Variants in MFSD11 observed in about 807,000 individuals in gnomAD.
The protein encoded by MFSD11 is UNC93-like protein MFSD11.
Under a neutral mutation model 53.5 loss-of-function variants are expected in MFSD11, and 36 were observed. The ratio of observed to expected loss-of-function variants is 0.67; its 90% CI spans 0.52 to 0.89. The LOEUF (loss-of-function observed/expected upper bound fraction) is 0.89, where lower values mean the gene tolerates loss of function less well. MFSD11 is among the 40% of genes least tolerant of loss of function. The pLI is 0.00. For missense variants in MFSD11, 530 were observed against 543.9 expected (o/e 0.97, Z 0.25); for synonymous variants, 186 against 184.9 (o/e 1.01, Z -0.05).
Position 76,776,340 on chromosome 17 carries a change from TG to T in MFSD11, c.1050-65del. 6.5e-7 allele frequency: 1 copy of T among 1,533,218 alleles called. No individual in the cohort carries two copies. The allele number at this position is 1,533,218 out of a possible 1,614,324, so 95.0% of individuals were successfully genotyped here. A position where few individuals can be genotyped will look rare whatever the true frequency, so the allele number is the denominator to read the frequency against. ...AGGTAGAATTCTTTTGTGGGTGGGT[TG>T]CTTGTATATTTTAAATGGCTCTAGC... On this transcript the variant is annotated intron_variant, in intron 11 of 12. Transcript: ENST00000685175. The surrounding 1 kb of genome is among the most constrained non-coding windows in gnomAD (Gnocchi z 4.2).
downstream of MFSD11, among the ~76,000 whole-genome samples, chr17:76,784,905 A>G (rs1012022896): frequency 6.6e-6 from 1 of 152,222 alleles, no homozygotes; most frequent in Non-Finnish European, 1.5e-5. Flanking sequence ...TCTCAAAAAC[A>G]AAACAAAACA....
chr17:76,739,106 C>A, intron 2 of MFSD11, 113 bp downstream of exon 2: 1 of 799,574 alleles, frequency 1.3e-6, no homozygotes, highest in South Asian at 1.5e-5. Flanking sequence ...GGCATTTTCT[C>A]TTCTCAGTGC....
At position 76,776,801 on chromosome 17, in the gene MFSD11, T is replaced by C. The variant is rs1446601108; in HGVS notation, c.1185+260T>C. 1.3e-5 allele frequency among the ~76,000 whole-genome samples: 2 copies of C among 150,490 alleles called. No homozygotes were observed. Among genetic ancestry groups the C allele is most frequent in the Non-Finnish European group, 2.9e-5 (2 of 67,948 alleles). On this transcript the variant is annotated intron_variant, in intron 12 of 12. Coordinates refer to ENST00000685175, the MANE Select transcript of MFSD11 (RefSeq NM_001242532.5). The surrounding 1 kb of genome is among the most constrained non-coding windows in gnomAD (Gnocchi z 4.2). ...GATTACAGGTGCACACCACCATGCC[T>C]GGCTAATTTTTGTATTTTTTTTTTC...
chr17:76,751,663 G>A (rs1235232483), intron 7 of MFSD11, among the ~76,000 whole-genome samples: 1 of 148,470 alleles, frequency 6.7e-6, no homozygotes, highest in Non-Finnish European at 1.5e-5. Flanking sequence ...TTGTGCCAGT[G>A]CATTCCAGCC....
chr17:76,765,452 CTTTTTTTTTTTTTTTT>C (rs59878271), intron 8 of MFSD11, among the ~76,000 whole-genome samples: 1 of 91,472 alleles, frequency 1.1e-5, no homozygotes, highest in Non-Finnish European at 2.2e-5. Context: ...CTTGAATTTC[CTTTTTTTTTTTTTTTT>C]TTTTTTTTTT....
chr17:76,755,391 G>T (rs1422300230), intron 8 of MFSD11, among the ~76,000 whole-genome samples: 1 of 152,116 alleles, frequency 6.6e-6, no homozygotes, highest in African/African-American at 2.4e-5. Context: ...GACTGGGGCA[G>T]TTATTCTCAA....
downstream of MFSD11, among the ~76,000 whole-genome samples, chr17:76,785,929 A>G (rs1416202467): frequency 6.6e-6 from 1 of 151,742 alleles, no homozygotes; most frequent in Non-Finnish European, 1.5e-5. Context: ...AAATACAAAA[A>G]TTAGCTGGGC....
chr17:76,755,399 CAA>C lies in MFSD11; in HGVS notation c.682+1313_682+1314del, dbSNP rs1478403828. 3.3e-5 allele frequency among the ~76,000 whole-genome samples: 5 copies of C among 152,178 alleles called. No homozygotes were observed. In the East Asian group the frequency reaches 9.7e-4, roughly 29 times the overall value. On this transcript the variant is annotated intron_variant, in intron 8 of 12. Transcript: ENST00000685175. ...GGAATCTGACTGGGGCAGTTATTCT[CAA>C]GAAGAGAGCAGCCTTTTGAGACCAT... is the stretch of plus-strand genomic sequence containing the variant.
intron 1 of MFSD11, 166 bp downstream of exon 1, chr17:76,738,614 C>T (rs1035807756): frequency 4.5e-5 from 28 of 622,762 alleles, no homozygotes; most frequent in Middle Eastern, 2.9e-4. Flanking sequence ...TTGTGTCAGA[C>T]ATTTCTCATG....
chr17:76,802,637 G>A, the MFSD11 span, among the ~76,000 whole-genome samples: 1 of 152,170 alleles, frequency 6.6e-6, no homozygotes, highest in Non-Finnish European at 1.5e-5. Flanking sequence ...CCAGCACTTC[G>A]GGAGGCCGAG....
chr17:76,736,705 C>T (rs2077512877), upstream of MFSD11: 7 of 1,332,808 alleles, frequency 5.3e-6, no homozygotes, highest in Non-Finnish European at 5.8e-6. Flanking sequence ...CCGTCCGGGC[C>T]CGCACCACGT....
intron 2 of MFSD11, among the ~76,000 whole-genome samples, chr17:76,740,327 G>A (rs2077945109): frequency 6.6e-6 from 1 of 152,078 alleles, no homozygotes; most frequent in African/African-American, 2.4e-5. Context: ...CTTCGTACAA[G>A]ACATATGTAC....
At chr17:76,770,659 C>A (rs1472165710) in intron 10 of MFSD11, among the ~76,000 whole-genome samples, 1 of 152,202 alleles carries the variant, frequency 6.6e-6, no homozygotes, top group Non-Finnish European at 1.5e-5. Context: ...TGGAGGTTCC[C>A]ATAGCCCTCT....
Position 76,755,577 on chromosome 17 carries a change from A to G in MFSD11, c.682+1490A>G, listed in dbSNP as rs2079476835. Among the ~76,000 whole-genome samples, 3 of 151,762 alleles carry G rather than the reference A, an allele frequency of 2.0e-5. No homozygotes were observed. In the South Asian group the frequency reaches 6.2e-4, roughly 31 times the overall value. On this transcript the variant is annotated intron_variant, in intron 8 of 12. Coordinates refer to ENST00000685175, the MANE Select transcript of MFSD11 (RefSeq NM_001242532.5). ...CCATGGCCTGGCTCAGATGACACAA[A>G]GCTTGTTAACTCTTGGCCAGAAATG...
chr17:76,736,825 G>A (rs770622960), upstream of MFSD11: 9 of 1,594,494 alleles, frequency 5.6e-6, no homozygotes, highest in African/African-American at 6.7e-5. Flanking sequence ...CGTAGCCACC[G>A]CCCCCGTACC....
At chr17:76,744,620 G>C (rs1222520522) in intron 7 of MFSD11, among the ~76,000 whole-genome samples, 154 bp downstream of exon 7, 1 of 152,138 alleles carries the variant, frequency 6.6e-6, no homozygotes, top group East Asian at 1.9e-4. Context: ...GGAGCTGCGA[G>C]GGAGGAAGAA....
chr17:76,765,759 A>G (rs931106688), intron 8 of MFSD11, among the ~76,000 whole-genome samples: 6 of 151,998 alleles, frequency 3.9e-5, no homozygotes, highest in African/African-American at 1.4e-4. Flanking sequence ...CTGGCCATGA[A>G]TTTTAGGATC....
At chr17:76,769,940 T>C (rs1251486121) in intron 10 of MFSD11, 69 bp downstream of exon 10, 5 of 1,420,306 alleles carry the variant, frequency 3.5e-6, no homozygotes, top group African/African-American at 1.5e-5. Context: ...AAATTTTAAG[T>C]GTGCTTCACC....
In MFSD11 at chr17:76,738,361, G is replaced by A. The variant is rs1389295999; in HGVS notation, c.9G>A (p.Pro3=). The change falls in exon 1 of 13, where the codon CCG becomes CCA. Residue 3 remains proline, a synonymous_variant. Transcript: ENST00000685175. ...GGCAGAGCTGAGCCAAAATGTCCCC[G>A]GAATCTAAAAAGCTTTTCAACATCA... MS[P]ESKKLFNIII... 2 of 1,613,880 alleles carry A rather than the reference G, an allele frequency of 1.2e-6. No individual in the cohort carries two copies. Among genetic ancestry groups the A allele is most frequent in the Non-Finnish European group, 1.7e-6 (2 of 1,179,780 alleles).
Sources: gnomAD v4.1 joint callset for allele counts (sites outside exome capture counted in the v4.1 genomes callset) on GRCh38, gnomAD v4.1.1 for gene constraint, Gnocchi (gnomAD v3.1) non-coding constraint, MANE v1.5 for transcripts, NCBI Gene and HGNC (gene_info 2026-07-23, HGNC 2026-07-21) for gene names.